Variants in TEX14 observed in about 807,000 individuals in gnomAD.
The protein encoded by TEX14 is testis expressed 14, intercellular bridge forming factor.
A neutral mutation model predicts 178.6 loss-of-function variants in TEX14; 168 were observed. The observed-to-expected ratio is 0.94, with a 90% CI of 0.83 to 1.07. The LOEUF (loss-of-function observed/expected upper bound fraction) is 1.07. Ranked by LOEUF, TEX14 falls within the 50% of genes least tolerant of loss-of-function variation. The pLI, the probability that TEX14 is intolerant of heterozygous loss-of-function variation, is 0.00. For synonymous variants in TEX14, 626 were observed against 634.1 expected (o/e 0.99, Z 0.19); for missense variants, 1,730 against 1,753.6 (o/e 0.99, Z 0.24).
chr17:58,577,131 G>A (rs546461064), intron 21 of TEX14, among the ~76,000 whole-genome samples: 1 of 152,276 alleles, frequency 6.6e-6, no homozygotes, highest in South Asian at 2.1e-4. Flanking sequence ...ATAGAATAGA[G>A]GGGTTGAGAA....
intron 1 of TEX14, among the ~76,000 whole-genome samples, chr17:58,686,859 AC>A (rs1319503804): frequency 9.2e-4 from 89 of 96,460 alleles, no homozygotes; most frequent in African/African-American, 3.5e-3. Context: ...ATGAAAGGTC[AC>A]CTTTTTTTTT....
chr17:58,639,398 A>C lies in TEX14; in HGVS notation c.137-8844T>G, dbSNP rs150916714. Among the ~76,000 whole-genome samples, 500 of 152,056 alleles carry C rather than the reference A, an allele frequency of 3.3e-3. 4 individuals carry two copies. Among genetic ancestry groups the C allele is most frequent in the African/African-American group, 0.011 (469 of 41,478 alleles). ...GTGTACCAAAATCTCACAAGTCACCACTAAAGAACTTACTCATGTTGGCCG... is the reference window on the plus strand; with the variant it reads ...GTGTACCAAAATCTCACAAGTCACCCCTAAAGAACTTACTCATGTTGGCCG... On this transcript the variant is annotated intron_variant, in intron 2 of 31. Transcript: ENST00000349033.
At chr17:58,628,963 G>C (rs1012681359) in intron 3 of TEX14, among the ~76,000 whole-genome samples, 2 of 151,870 alleles carry the variant, frequency 1.3e-5, no homozygotes, top group East Asian at 3.9e-4. Flanking sequence ...CCTTAAGTAA[G>C]ATGGGAAAGA....
intron 1 of TEX14, chr17:58,661,482 C>A (rs1312679246): frequency 1.3e-6 from 1 of 781,600 alleles, no homozygotes; most frequent in Non-Finnish European, 2.4e-6. Flanking sequence ...TTTTCCTGGA[C>A]TATTCGGGAA....
At chr17:58,613,663 CTTTTCT>C in intron 8 of TEX14, 119 bp from the exon 9 acceptor site, 1 of 1,141,068 alleles carries the variant, frequency 8.8e-7, no homozygotes, top group Admixed American at 2.6e-5. Context: ...GTTTTCTTTT[CTTTTCT>C]TTTTTTTTTG....
intron 15 of TEX14, among the ~76,000 whole-genome samples, chr17:58,589,134 A>G (rs2045057230): frequency 6.6e-6 from 1 of 151,726 alleles, no homozygotes; most frequent in Non-Finnish European, 1.5e-5. Flanking sequence ...ATGGTGGTGC[A>G]TGCCTGTAAT....
At chr17:58,624,127 C>T (rs1428489693) in intron 3 of TEX14, among the ~76,000 whole-genome samples, 3 of 151,652 alleles carry the variant, frequency 2.0e-5, no homozygotes, top group Admixed American at 2.0e-4. Context: ...ACTAAAAATA[C>T]AAAAAAATTA....
chr17:58,641,382 C>A (rs1224710604), intron 2 of TEX14, among the ~76,000 whole-genome samples: 2 of 151,928 alleles, frequency 1.3e-5, no homozygotes, highest in Non-Finnish European at 2.9e-5. Context: ...GCACTCCAGC[C>A]TGGGCAACAA....
chr17:58,644,617 G>A (rs1033387168), intron 2 of TEX14, among the ~76,000 whole-genome samples: 2 of 142,774 alleles, frequency 1.4e-5, no homozygotes, highest in Admixed American at 7.2e-5. Flanking sequence ...TGGGATTATA[G>A]GTGTAAGCCA....
rs1280718027 is a variant in TEX14 at position 58,630,151 on chromosome 17, G to A, written c.251+289C>T. Among the ~76,000 whole-genome samples, 6 of 151,280 alleles carry A rather than the reference G, an allele frequency of 4.0e-5. No homozygotes were observed. The East Asian group carries it at 9.8e-4, about 25-fold the overall frequency. ...GGCTCACTGCAACCTCCACCTCCCG[G>A]GTTCAAATGATTCTCCTGTCTCAGC... On this transcript the variant is annotated intron_variant, in intron 3 of 31. Coordinates refer to ENST00000349033, the MANE Select transcript of TEX14 (RefSeq NM_031272.5).
chr17:58,633,247 C>T (rs2046362493), intron 2 of TEX14, among the ~76,000 whole-genome samples: 1 of 152,192 alleles, frequency 6.6e-6, no homozygotes, highest in Admixed American at 6.5e-5. Flanking sequence ...GGAAATATTT[C>T]CCTGACCTCC....
At chr17:58,631,629 A>G (rs923332925) in intron 2 of TEX14, 5 of 151,840 alleles carry the variant, frequency 3.3e-5, no homozygotes, top group Non-Finnish European at 5.9e-5. Flanking sequence ...CTGAAAAAAA[A>G]AAAAACCCAG....
chr17:58,659,904 T>C (rs2047070464), intron 1 of TEX14, among the ~76,000 whole-genome samples: 1 of 150,952 alleles, frequency 6.6e-6, no homozygotes, highest in Non-Finnish European at 1.5e-5. Flanking sequence ...ACCATGGTGG[T>C]CAGGCTGGTC....
chr17:58,660,084 T>C (rs2047076523), intron 1 of TEX14, among the ~76,000 whole-genome samples: 1 of 151,286 alleles, frequency 6.6e-6, no homozygotes, highest in Non-Finnish European at 1.5e-5. Flanking sequence ...GCTCACATCA[T>C]CTAGGGTACA....
At chr17:58,602,288 G>A in intron 12 of TEX14, 112 bp downstream of exon 12, 1 of 1,017,712 alleles carries the variant, frequency 9.8e-7, no homozygotes, top group Admixed American at 2.5e-5. Context: ...GTAATAAAAT[G>A]AGGATTTCCA....
At chr17:58,631,878 A>G (rs1382247668) in intron 2 of TEX14, 12 of 152,194 alleles carry the variant, frequency 7.9e-5, no homozygotes, top group African/African-American at 2.7e-4. Context: ...AGAAACTCAC[A>G]CATATTATGC....
chr17:58,590,275 A>AAC (rs996361714), intron 15 of TEX14, among the ~76,000 whole-genome samples: 1 of 151,444 alleles, frequency 6.6e-6, no homozygotes, highest in African/African-American at 2.4e-5. Flanking sequence ...AAAAAAAAAA[A>AAC]AAAAACCATG....
At chr17:58,603,737 C>T (rs1352236943) in intron 11 of TEX14, among the ~76,000 whole-genome samples, 2 of 150,762 alleles carry the variant, frequency 1.3e-5, no homozygotes, top group Non-Finnish European at 3.0e-5. Context: ...GCCTGTAGTC[C>T]CAGTTACTTG....
intron 11 of TEX14, among the ~76,000 whole-genome samples, chr17:58,603,996 C>T (rs532688369): frequency 6.9e-6 from 1 of 145,012 alleles, no homozygotes; most frequent in East Asian, 2.2e-4. Context: ...CTACTTTCTC[C>T]ACATCAGAGC....
Sources: gnomAD v4.1 joint callset for allele counts (sites outside exome capture counted in the v4.1 genomes callset) on GRCh38, gnomAD v4.1.1 for gene constraint, MANE v1.5 for transcripts, NCBI Gene and HGNC (gene_info 2026-07-23, HGNC 2026-07-21) for gene names.